The following LRBA variants were observed in gnomAD, a reference collection of about 807,000 sequenced individuals.
LRBA encodes lipopolysaccharide-responsive and beige-like anchor protein.
Under a neutral mutation model 330.0 loss-of-function variants are expected in LRBA, and 176 were observed. That is an observed-to-expected ratio of 0.53 (90% CI 0.47 to 0.60). The LOEUF (loss-of-function observed/expected upper bound fraction) is 0.60, where lower values mean the gene tolerates loss of function less well. Ranked by LOEUF, LRBA falls within the 20% of genes least tolerant of loss-of-function variation. The pLI is 0.00. For missense variants in LRBA, 3,259 were observed against 3,444.8 expected, an observed-to-expected ratio of 0.95 and a Z score of 1.35; for synonymous variants, 1,230 against 1,193.0, an observed-to-expected ratio of 1.03 and a Z score of -0.64.
At chr4:150,346,557 C>T (rs1215441263) in intron 48 of LRBA, among the ~76,000 whole-genome samples, 3 of 151,526 alleles carry the variant, frequency 2.0e-5, no homozygotes, top group Non-Finnish European at 2.9e-5. Context: ...GTCAGGAGTT[C>T]GAGACCAGCC....
chr4:150,858,964 C>G (rs188411889), intron 22 of LRBA, among the ~76,000 whole-genome samples: 1 of 151,914 alleles, frequency 6.6e-6, no homozygotes, highest in Admixed American at 6.6e-5. Flanking sequence ...TTAGAGAATT[C>G]TTTAAAAAAA....
intron 44 of LRBA, among the ~76,000 whole-genome samples, chr4:150,444,504 T>C (rs952716930): frequency 6.6e-6 from 1 of 152,206 alleles, no homozygotes; most frequent in Non-Finnish European, 1.5e-5. Flanking sequence ...TGATCAGCAT[T>C]TTCACTCAAC....
chr4:151,002,670 C>A (rs967757887), intron 2 of LRBA, among the ~76,000 whole-genome samples: 11 of 149,290 alleles, frequency 7.4e-5, no homozygotes, highest in Admixed American at 7.3e-4. Context: ...ATATGAATAA[C>A]AAGTTTACCA....
intron 33 of LRBA, among the ~76,000 whole-genome samples, chr4:150,805,821 G>A (rs1742709380): frequency 6.6e-6 from 1 of 152,134 alleles, no homozygotes; most frequent in African/African-American, 2.4e-5. Flanking sequence ...ACCTAGAAGA[G>A]ACCCAGGAAT....
intron 38 of LRBA, among the ~76,000 whole-genome samples, chr4:150,591,286 G>A (rs1318373634): frequency 6.6e-6 from 1 of 152,160 alleles, no homozygotes; most frequent in Non-Finnish European, 1.5e-5. Flanking sequence ...GAATGGTTGA[G>A]GAGTGGCTGT....
intron 54 of LRBA, among the ~76,000 whole-genome samples, chr4:150,284,263 T>C (rs147624514): frequency 3.6e-4 from 55 of 152,254 alleles, no homozygotes; most frequent in African/African-American, 1.3e-3. Context: ...GAATATTTCA[T>C]GACATTGAAA....
intron 11 of LRBA, among the ~76,000 whole-genome samples, chr4:150,908,044 T>G (rs1187206953): frequency 1.3e-5 from 2 of 152,116 alleles, no homozygotes; most frequent in African/African-American, 4.8e-5. Flanking sequence ...TAAAAAAAAT[T>G]TTTAATTTAG....
chr4:150,432,612 A>AT (rs2151986523), intron 46 of LRBA, among the ~76,000 whole-genome samples: 1 of 151,372 alleles, frequency 6.6e-6, no homozygotes, highest in Admixed American at 6.6e-5. Context: ...TGCCTGCCAC[A>AT]TTTTTTGTAT....
intron 31 of LRBA, among the ~76,000 whole-genome samples, chr4:150,811,039 G>C (rs925134202): frequency 1.3e-5 from 2 of 152,056 alleles, no homozygotes; most frequent in Non-Finnish European, 2.9e-5. Context: ...TTCACCCTTT[G>C]GTATCTGGCA....
chr4:150,725,232 T>C (rs1729511863), intron 36 of LRBA, among the ~76,000 whole-genome samples: 3 of 152,016 alleles, frequency 2.0e-5, no homozygotes, highest in African/African-American at 7.2e-5. Flanking sequence ...TTGAGAAAGA[T>C]ATCAAATTCA....
rs201614348 is a variant in LRBA at position 150,353,623 on chromosome 4, TG to T, written c.7195-3465del. 5.9e-3 allele frequency among the ~76,000 whole-genome samples: 899 copies of T among 152,320 alleles called. 12 individuals are homozygous for T. The highest frequency in any genetic ancestry group is 0.021 in the African/African-American group (855 of 41,574). On this transcript the variant is annotated intron_variant, in intron 47 of 56. Coordinates refer to ENST00000651943, the MANE Select transcript of LRBA (RefSeq NM_001364905.1). ...TGCTTAAAGCTTTACATCTTGATAC[TG>T]CATCAGAATTTTAAGCAAAAATGCT... is the stretch of plus-strand genomic sequence containing the variant.
chr4:150,891,706 G>A (rs995247515), intron 17 of LRBA, among the ~76,000 whole-genome samples: 6 of 152,058 alleles, frequency 3.9e-5, no homozygotes, highest in African/African-American at 9.7e-5. Flanking sequence ...AATCTCTCTC[G>A]TGAGTGTGTG....
At chr4:150,962,083 T>C (rs1046276999) in intron 2 of LRBA, among the ~76,000 whole-genome samples, 1 of 149,456 alleles carries the variant, frequency 6.7e-6, no homozygotes, top group East Asian at 1.9e-4. Flanking sequence ...GGTTTTTCTG[T>C]TTTTCATTCA....
chr4:150,307,717 A>C (rs1730545320), intron 52 of LRBA, among the ~76,000 whole-genome samples: 1 of 152,096 alleles, frequency 6.6e-6, no homozygotes, highest in African/African-American at 2.4e-5. Context: ...CTGTACTCCA[A>C]CTGTCTCTTA....
intron 55 of LRBA, 42 bp downstream of exon 55, chr4:150,282,408 A>G (rs778036072): frequency 6.5e-7 from 1 of 1,548,386 alleles, no homozygotes; most frequent in African/African-American, 1.4e-5. Context: ...ACACACGTTG[A>G]GGTAAAAGTC....
chr4:150,995,531 AAACAATTGT>A (rs1270093556), intron 2 of LRBA, among the ~76,000 whole-genome samples: 30 of 152,208 alleles, frequency 2.0e-4, no homozygotes, highest in African/African-American at 7.0e-4. Flanking sequence ...TGAAAAAATC[AAACAATTGT>A]AATGTTTCTG....
At chr4:150,488,121 A>T (rs771175256) in intron 41 of LRBA, among the ~76,000 whole-genome samples, 4 of 151,616 alleles carry the variant, frequency 2.6e-5, no homozygotes, top group Non-Finnish European at 5.9e-5. Flanking sequence ...ATTATGAGAC[A>T]TGATAATAAT....
intron 36 of LRBA, among the ~76,000 whole-genome samples, chr4:150,699,079 AGGAAAAAAGGGTAACACT>A (rs1459060041): frequency 6.6e-6 from 1 of 152,204 alleles, no homozygotes; most frequent in African/African-American, 2.4e-5. Flanking sequence ...AACCTGAGGC[AGGAAAAAAGGGTAACACT>A]GGACTGAGGA....
intron 36 of LRBA, among the ~76,000 whole-genome samples, chr4:150,733,230 T>A (rs1010339688): frequency 1.3e-5 from 2 of 151,962 alleles, no homozygotes; most frequent in Non-Finnish European, 2.9e-5. Context: ...TTTTTTCCAG[T>A]TGGAAAACTG....
Sources: gnomAD v4.1 joint callset for allele counts (sites outside exome capture counted in the v4.1 genomes callset) on GRCh38, gnomAD v4.1.1 for gene constraint, MANE v1.5 for transcripts, NCBI Gene and HGNC (gene_info 2026-07-23, HGNC 2026-07-21) for gene names.